A2ML1: variants seen among roughly 807,000 people sequenced by gnomAD.
A2ML1 encodes alpha-2-macroglobulin-like protein 1.
A neutral mutation model predicts 181.9 loss-of-function variants in A2ML1; 161 were observed. The observed-to-expected ratio is 0.89, with a 90% CI of 0.78 to 1.01. A2ML1 has a LOEUF of 1.01. Ranked by LOEUF, A2ML1 falls within the 50% of genes least tolerant of loss-of-function variation. The probability of loss-of-function intolerance (pLI) is 0.00; values close to 1 mark genes in which losing one functional copy is unlikely to be tolerated. For missense variants in A2ML1, 1,670 were observed against 1,768.1 expected (o/e 0.94, Z 1.00); for synonymous variants, 663 against 666.8 (o/e 0.99, Z 0.09).
At chr12:8,864,097 G>C (rs572299172) in intron 29 of A2ML1, 89 bp downstream of exon 29, 1 of 1,232,342 alleles carries the variant, frequency 8.1e-7, no homozygotes, top group Non-Finnish European at 1.1e-6. Flanking sequence ...TTGCCTTCTC[G>C]GTCCAGGGGC....
At chr12:8,881,337 C>A (rs1944867939), downstream of A2ML1, among the ~76,000 whole-genome samples, 1 of 152,108 alleles carries the variant, frequency 6.6e-6, no homozygotes, top group Non-Finnish European at 1.5e-5. Flanking sequence ...TTAACAAGAC[C>A]AAGGAAGTGA....
chr12:8,884,915 A>G lies in A2ML1; in HGVS notation c.*95-1592A>G, dbSNP rs188454201. 4.8e-4 allele frequency among the ~76,000 whole-genome samples: 73 copies of G among 152,190 alleles called. 1 individual carries two copies. The highest frequency in any genetic ancestry group is 4.4e-3 in the East Asian group (23 of 5,182). On this transcript the variant is annotated intron_variant and NMD_transcript_variant, in intron 7 of 7. Coordinates refer to the A2ML1 transcript ENST00000537475. Reference sequence around the variant, plus strand: ...ATATGTACCACATTTTCTTTATCCAATCTCTCATTGATGGACATTTAGGTT... The same window carrying G: ...ATATGTACCACATTTTCTTTATCCAGTCTCTCATTGATGGACATTTAGGTT...
chr12:8,850,406 G>A, intron 18 of A2ML1, 132 bp downstream of exon 18: 1 of 522,978 alleles, frequency 1.9e-6, no homozygotes, highest in Non-Finnish European at 3.2e-6. Flanking sequence ...GCAACATAAT[G>A]AGCTTCTGTC....
intron 11 of A2ML1, among the ~76,000 whole-genome samples, chr12:8,842,194 A>G (rs1592121761): frequency 6.6e-6 from 1 of 150,522 alleles, no homozygotes; most frequent in Non-Finnish European, 1.5e-5. Context: ...GCTTTTCCAA[A>G]CCTCTGTATA....
intron 14 of A2ML1, 49 bp downstream of exon 14, chr12:8,846,271 A>G (rs1389793869): frequency 6.2e-7 from 1 of 1,608,098 alleles, no homozygotes; most frequent in East Asian, 2.2e-5. Context: ...GCATAGAGAA[A>G]GATCTTGTGT....
intron 3 of A2ML1, among the ~76,000 whole-genome samples, chr12:8,827,882 T>C (rs1942981835): frequency 2.0e-5 from 3 of 152,176 alleles, no homozygotes; most frequent in African/African-American, 7.2e-5. Flanking sequence ...TCCTTGATGG[T>C]CTTGGATAAG....
intron 3 of A2ML1, among the ~76,000 whole-genome samples, chr12:8,824,370 A>G (rs1942859117): frequency 6.6e-6 from 1 of 151,564 alleles, no homozygotes; most frequent in Non-Finnish European, 1.5e-5. Context: ...GTGGGTACAT[A>G]GCTGGTGTAT....
chr12:8,845,073 A>T, intron 12 of A2ML1: 1 of 1,435,790 alleles, frequency 7.0e-7, no homozygotes, highest in Non-Finnish European at 9.1e-7. Context: ...AGCTGTAATT[A>T]AAAAACACTT....
At chr12:8,839,694 C>A (rs571529746) in intron 10 of A2ML1, among the ~76,000 whole-genome samples, 3 of 152,274 alleles carry the variant, frequency 2.0e-5, no homozygotes, top group African/African-American at 7.2e-5. Flanking sequence ...ATGAAACTTT[C>A]CTTGACAGCC....
Position 8,867,847 on chromosome 12 carries a change from T to G in A2ML1, c.3723T>G (p.Thr1241=), listed in dbSNP as rs750669272. 1.9e-6 allele frequency: 3 copies of G among 1,614,076 alleles called. No homozygotes were observed. In the Admixed American group the frequency reaches 5.0e-5, roughly 27 times the overall value. ...CGTTTGGTTGTTTCCCTCAGGATAC[T>G]GTAGTTGCTCTCCAAGCTCTTGCCA... ...AYGGFSSTQD[T]VVALQALAKY... Residue 1241 remains threonine, a synonymous_variant, in exon 30 of 36, where the codon ACT becomes ACG. Transcript: ENST00000299698.
Position 8,845,889 on chromosome 12 carries a change from T to A in A2ML1, c.1538-188T>A, listed in dbSNP as rs55920140. Reference sequence around the variant, plus strand: ...ATAAATAAAATAAAATAAAATAAAATAAAAAAATTCTTATCCACAGAAGTA... The same window carrying A: ...ATAAATAAAATAAAATAAAATAAAAAAAAAAAATTCTTATCCACAGAAGTA... On this transcript the variant is annotated intron_variant, in intron 13 of 35. Transcript: ENST00000299698. 8.9e-3 allele frequency among the ~76,000 whole-genome samples: 901 copies of A among 101,584 alleles called. 49 individuals carry two copies. Among genetic ancestry groups the A allele is most frequent in the African/African-American group, 0.04 (789 of 19,744 alleles). 66.6% of individuals were successfully genotyped at this position (101,584 alleles called of 152,430 possible).
At chr12:8,826,685 G>T (rs950357691) in intron 3 of A2ML1, among the ~76,000 whole-genome samples, 2 of 151,942 alleles carry the variant, frequency 1.3e-5, no homozygotes, top group African/African-American at 4.8e-5. Flanking sequence ...TGCAATAAAT[G>T]GTTGCTCATT....
Position 8,847,634 on chromosome 12 carries a change from C to T in A2ML1, c.1769C>T (p.Ala590Val), listed in dbSNP as rs770246364. Residue 590 changes from alanine (A) to valine (V), a missense_variant, in exon 15 of 36, where the codon GCG becomes GTG. Ala to Val is a moderately conservative substitution (Grantham distance 64, BLOSUM62 0). Transcript: ENST00000299698. ...CAGGCAGCTCCCGGATCCCTGTGTGCGCTCCGGGCGGTGGATGAGAGTGTC... is the reference window on the plus strand; with the variant it reads ...CAGGCAGCTCCCGGATCCCTGTGTGTGCTCCGGGCGGTGGATGAGAGTGTC... ...QLQAAPGSLC[A>V]LRAVDESVLL... is the part of the protein sequence containing the mutation. 2.5e-6 allele frequency: 4 copies of T among 1,613,556 alleles called. No individual in the cohort carries two copies. The highest frequency in any genetic ancestry group is 2.2e-5 in the East Asian group (1 of 44,802).
chr12:8,830,077 A>G (rs1165340309), intron 4 of A2ML1, among the ~76,000 whole-genome samples: 1 of 152,118 alleles, frequency 6.6e-6, no homozygotes, highest in Non-Finnish European at 1.5e-5. Context: ...TTAGAGACAG[A>G]GTCTCGCTCT....
rs756111696 is a variant in A2ML1, at chr12:8,823,711, C to G, written c.247-9C>G. ...TTACCCCTCCCCAGAAGTCCCCTTTCTTGGTCAGGTACCACCTCCTGCTGG... is the reference window on the plus strand; with the variant it reads ...TTACCCCTCCCCAGAAGTCCCCTTTGTTGGTCAGGTACCACCTCCTGCTGG... On this transcript the variant is annotated splice_polypyrimidine_tract_variant and intron_variant, in intron 2 of 35. Transcript: ENST00000299698. The G allele has an allele frequency of 2.5e-6, 4 of 1,612,176 alleles. No homozygotes were observed. The highest frequency in any genetic ancestry group is 3.4e-6 in the Non-Finnish European group (4 of 1,179,128).
intron 7 of A2ML1, among the ~76,000 whole-genome samples, chr12:8,881,988 G>A (rs1565500739): frequency 1.3e-5 from 2 of 151,788 alleles, no homozygotes; most frequent in Admixed American, 6.6e-5. Flanking sequence ...TCCAGCCTGG[G>A]CGACAGAGCG....
chr12:8,838,729 G>A lies in A2ML1; in HGVS notation c.970+279G>A, dbSNP rs923918762. Reference sequence around the variant, plus strand: ...AGATCGAGACCATCCTGGCTAACACGGTGAAACCCTGTCTCTACTAAAAAT... The same window carrying A: ...AGATCGAGACCATCCTGGCTAACACAGTGAAACCCTGTCTCTACTAAAAAT... On this transcript the variant is annotated intron_variant, in intron 9 of 35. Transcript: ENST00000299698. Among the ~76,000 whole-genome samples, 4 of 151,658 alleles carry A rather than the reference G, an allele frequency of 2.6e-5. No individual in the cohort carries two copies. The South Asian group carries it at 6.3e-4, about 24-fold the overall frequency.
chr12:8,823,581 T>A, intron 2 of A2ML1, 139 bp from the exon 3 acceptor site: 1 of 1,108,752 alleles, frequency 9.0e-7, no homozygotes, highest in Non-Finnish European at 1.3e-6. Flanking sequence ...TTCTTCCTCG[T>A]GGTAATTTGT....
intron 33 of A2ML1, among the ~76,000 whole-genome samples, chr12:8,873,501 G>A (rs886196205): frequency 2.0e-5 from 3 of 152,118 alleles, no homozygotes; most frequent in African/African-American, 7.2e-5. Flanking sequence ...TGGAGACGTA[G>A]CAATGAAAAC....
Sources: allele counts gnomAD v4.1 joint callset (sites outside exome capture counted in the v4.1 genomes callset), GRCh38; gene constraint gnomAD v4.1.1; transcripts MANE v1.5; gene names NCBI Gene and HGNC (gene_info 2026-07-23, HGNC 2026-07-21).